Variants in GRM5 observed in about 807,000 individuals in gnomAD.
GRM5 encodes the protein glutamate metabotropic receptor 5.
Under a neutral mutation model 83.1 loss-of-function variants are expected in GRM5, and 19 were observed. The observed-to-expected ratio is 0.23, with a 90% CI of 0.16 to 0.34. The LOEUF is 0.34. Among genes scored for constraint, GRM5 ranks in the 10% least tolerant of loss-of-function variants. The pLI is 1.00. For synonymous variants in GRM5, 675 were observed against 633.6 expected (o/e 1.07, Z -0.98); for missense variants, 1,160 against 1,588.3 (o/e 0.73, Z 4.58).
chr11:88,528,958 A>G lies in GRM5; in HGVS notation c.2631-3554T>C, dbSNP rs569268163. The stretch of plus-strand genomic sequence containing the variant: ...TGATTCTAAAGCTCATGCTATTTCC[A>G]TTAATTTTTCCTCCAAGTAACAATA... On this transcript the variant is annotated intron_variant, in intron 8 of 9. Coordinates refer to ENST00000305447, the MANE Select transcript of GRM5 (RefSeq NM_001143831.3). Among the ~76,000 whole-genome samples the G allele has an allele frequency of 2.0e-5, 3 of 152,208 alleles. No homozygotes were observed. The South Asian group carries it at 6.2e-4, about 32-fold the overall frequency.
At chr11:88,975,238 T>C (rs1241233440) in intron 2 of GRM5, among the ~76,000 whole-genome samples, 3 of 152,218 alleles carry the variant, frequency 2.0e-5, no homozygotes, top group African/African-American at 7.2e-5. Context: ...TCTTGACGTT[T>C]CACAAACCGT....
chr11:88,570,571 A>ATTTTTTTTTTT lies in GRM5; in HGVS notation c.1691-2590_1691-2580dup, dbSNP rs1194098388. Among the ~76,000 whole-genome samples the ATTTTTTTTTTT allele has an allele frequency of 3.0e-4, 14 of 46,376 alleles. 1 individual carries two copies. Among genetic ancestry groups the ATTTTTTTTTTT allele is most frequent in the African/African-American group, 8.0e-4 (6 of 7,486 alleles). 30.4% of individuals were successfully genotyped at this position (46,376 alleles called of 152,430 possible). On this transcript the variant is annotated intron_variant, in intron 7 of 9. Transcript: ENST00000305447. ...TAATAATATATATATATATATATAT[A>ATTTTTTTTTTT]TTTTTTTTTTTTTTTTTTTTTTTTT...
At chr11:88,681,185 T>C (rs779193258) in intron 3 of GRM5, among the ~76,000 whole-genome samples, 1 of 152,106 alleles carries the variant, frequency 6.6e-6, no homozygotes, top group Admixed American at 6.6e-5. Context: ...ATTCTCAAAA[T>C]CTTTTTTTAA....
chr11:88,791,213 G>A (rs1428968260), intron 3 of GRM5, among the ~76,000 whole-genome samples: 1 of 152,172 alleles, frequency 6.6e-6, no homozygotes, highest in Non-Finnish European at 1.5e-5. Flanking sequence ...AGGAGGACAG[G>A]AGGAAGTGGC....
At chr11:88,640,824 C>T in intron 4 of GRM5, among the ~76,000 whole-genome samples, 1 of 152,134 alleles carries the variant, frequency 6.6e-6, no homozygotes, top group Non-Finnish European at 1.5e-5. Context: ...CTGGGTGCAT[C>T]ATCCTCAGGA....
At chr11:88,668,641 GTTA>G (rs1328865658) in intron 3 of GRM5, among the ~76,000 whole-genome samples, 1 of 152,002 alleles carries the variant, frequency 6.6e-6, no homozygotes, top group East Asian at 1.9e-4. Context: ...AATTATTATT[GTTA>G]TTATTGTGGT....
intron 2 of GRM5, among the ~76,000 whole-genome samples, chr11:89,036,142 C>G (rs1941379260): frequency 1.3e-5 from 2 of 152,078 alleles, no homozygotes; most frequent in South Asian, 2.1e-4. Flanking sequence ...CCACTCACAT[C>G]AAAGATAACC....
intron 8 of GRM5, among the ~76,000 whole-genome samples, chr11:88,566,717 C>T (rs1341809265): frequency 6.6e-6 from 1 of 152,046 alleles, no homozygotes; most frequent in East Asian, 1.9e-4. Flanking sequence ...GAATTTAACC[C>T]ACAGTATAAC....
chr11:88,720,803 TGTGTGTGTGTGTGTGTGC>T (rs1336349093), intron 3 of GRM5, among the ~76,000 whole-genome samples: 50 of 129,908 alleles, frequency 3.8e-4, no homozygotes, highest in East Asian at 1.2e-3. Flanking sequence ...ACTCTGTGTG[TGTGTGTGTGTGTGTGTGC>T]GTGTGTGTGT....
At chr11:88,853,091 A>G (rs563505449) in intron 2 of GRM5, among the ~76,000 whole-genome samples, 12 of 152,260 alleles carry the variant, frequency 7.9e-5, no homozygotes, top group Non-Finnish European at 1.2e-4. Context: ...AAATAGAAGT[A>G]AGACAGAATC....
chr11:88,809,315 T>A (rs2135495407), intron 3 of GRM5, among the ~76,000 whole-genome samples: 1 of 152,212 alleles, frequency 6.6e-6, no homozygotes, highest in South Asian at 2.1e-4. Context: ...CTTATTCTAA[T>A]AAGCTCTTAA....
intron 2 of GRM5, among the ~76,000 whole-genome samples, chr11:88,900,129 T>C (rs975073832): frequency 4.6e-5 from 7 of 152,108 alleles, no homozygotes; most frequent in Non-Finnish European, 1.0e-4. Context: ...GACAGAAAAT[T>C]AGATGTAGCT....
At chr11:88,568,592 C>A (rs939263335) in intron 7 of GRM5, among the ~76,000 whole-genome samples, 8 of 152,076 alleles carry the variant, frequency 5.3e-5, no homozygotes, top group Non-Finnish European at 1.0e-4. Context: ...CTTTGTAGAG[C>A]AATGACAAGC....
chr11:88,989,656 A>ACTAT (rs554107223), intron 2 of GRM5, among the ~76,000 whole-genome samples: 1 of 139,104 alleles, frequency 7.2e-6, no homozygotes, highest in African/African-American at 2.8e-5. Flanking sequence ...ATTATAACAA[A>ACTAT]CTATCTCTCA....
chr11:88,554,242 C>G (rs35371698), intron 8 of GRM5, among the ~76,000 whole-genome samples: 5,962 of 152,126 alleles, frequency 0.039, 146 homozygotes, highest in South Asian at 0.084. Flanking sequence ...ACATTCAAAG[C>G]CAGCAGAATA....
chr11:88,931,203 T>C (rs1937693817), intron 2 of GRM5, among the ~76,000 whole-genome samples: 1 of 151,852 alleles, frequency 6.6e-6, no homozygotes, highest in Non-Finnish European at 1.5e-5. Context: ...TTTCAAATAC[T>C]ATATGCTATC....
intron 3 of GRM5, among the ~76,000 whole-genome samples, chr11:88,698,063 A>T (rs1338242412): frequency 6.6e-6 from 1 of 152,212 alleles, no homozygotes; most frequent in Non-Finnish European, 1.5e-5. Context: ...ATAGACTCAA[A>T]ATTCTTTACT....
chr11:89,031,679 T>G (rs914093159), intron 2 of GRM5, among the ~76,000 whole-genome samples: 1 of 152,060 alleles, frequency 6.6e-6, no homozygotes, highest in Non-Finnish European at 1.5e-5. Context: ...GATAAAATGT[T>G]AAAAGGTTTT....
intron 3 of GRM5, among the ~76,000 whole-genome samples, chr11:88,690,164 G>A (rs547312304): frequency 1.1e-4 from 16 of 152,084 alleles, no homozygotes; most frequent in African/African-American, 3.1e-4. Context: ...GAATACAACT[G>A]AGCATATATA....
Sources: allele counts gnomAD v4.1 joint callset (sites outside exome capture counted in the v4.1 genomes callset), GRCh38; gene constraint gnomAD v4.1.1; transcripts MANE v1.5; gene names NCBI Gene and HGNC (gene_info 2026-07-23, HGNC 2026-07-21).